The following H1-8 variants were observed in gnomAD, a reference collection of about 807,000 sequenced individuals.
The protein encoded by H1-8 is H1.8 linker histone, also known as histone H1.8.
Under a neutral mutation model 19.5 loss-of-function variants are expected in H1-8, and 13 were observed. The observed-to-expected ratio is 0.67, with a 90% CI of 0.43 to 1.06. The LOEUF (loss-of-function observed/expected upper bound fraction) is 1.06, where lower values mean the gene tolerates loss of function less well. Among genes scored for constraint, H1-8 ranks in the 50% least tolerant of loss-of-function variants. The probability of loss-of-function intolerance (pLI) is 0.00; values close to 1 mark genes in which losing one functional copy is unlikely to be tolerated. For synonymous variants in H1-8, 193 were observed against 187.6 expected (o/e 1.03, Z -0.24); for missense variants, 432 against 459.8 (o/e 0.94, Z 0.55).
In H1-8 at chr3:129,547,515, C is replaced by T; in HGVS notation, c.213C>T (p.Gly71=). The T allele has an allele frequency of 6.4e-7, 1 of 1,573,532 alleles. No individual in the cohort carries two copies. Among genetic ancestry groups the T allele is most frequent in the Non-Finnish European group, 8.6e-7 (1 of 1,159,574 alleles). The change falls in exon 2 of 5, where the codon GGC becomes GGT. Residue 71 remains glycine, a synonymous_variant. Transcript: ENST00000324382. ...EALQAGEQRR[G]TSVAAIKLYI... is the part of the protein sequence containing the mutation. ...TGCAGGCTGGGGAGCAGCGCCGGGG[C>T]ACGTCGGTGGCAGCTATCAAGCTCT...
chr3:129,544,471 A>G (rs754501940), intron 1 of H1-8, among the ~76,000 whole-genome samples: 4 of 150,466 alleles, frequency 2.7e-5, no homozygotes, highest in Non-Finnish European at 5.9e-5. Context: ...TGTGGTGAGG[A>G]GGAAAGGGCC....
rs77817513 is a variant in H1-8, at chr3:129,551,368, G to A, written c.*28G>A. 450 of 1,441,194 alleles carry A rather than the reference G, an allele frequency of 3.1e-4. 3 individuals carry two copies. The East Asian group carries it at 8.3e-3, about 27-fold the overall frequency. The allele number at this position is 1,441,194 out of a possible 1,614,324, so 89.3% of individuals were successfully genotyped here. ...CCAGAGGCAGGGGCGGAGAGAGACC[G>A]AGCCTCTGCCCTAGTTTTTATTCTT... On this transcript the variant is annotated 3_prime_UTR_variant, in exon 5 of 5. Transcript: ENST00000324382.
intron 1 of H1-8, among the ~76,000 whole-genome samples, chr3:129,546,743 TC>T (rs1442509471): frequency 6.6e-6 from 1 of 152,098 alleles, no homozygotes; most frequent in African/African-American, 2.4e-5. Context: ...ACTTTTTCTT[TC>T]CCCCCTTATT....
Position 129,546,150 on chromosome 3 carries a change from AATAATAATG to A in H1-8, c.89-1232_89-1224del, listed in dbSNP as rs1490880654. Among the ~76,000 whole-genome samples, 458 of 147,934 alleles carry A rather than the reference AATAATAATG, an allele frequency of 3.1e-3. 2 individuals carry two copies. The highest frequency in any genetic ancestry group is 0.015 in the East Asian group (74 of 5,052). On this transcript the variant is annotated intron_variant, in intron 1 of 4. Transcript: ENST00000324382. ...TAATAATAATAATAATAATAATAAT[AATAATAATG>A]ATAATAATACAAACATTAGCCAGGC...
chr3:129,549,004 G>C lies in H1-8; in HGVS notation c.382G>C (p.Val128Leu), dbSNP rs1397414218. ...CCCACCCCGTGTCCTTCTCCAGTTAGTTCCCAAGCACAAGAAGAAAATCCA... is the reference window on the plus strand; with the variant it reads ...CCCACCCCGTGTCCTTCTCCAGTTACTTCCCAAGCACAAGAAGAAAATCCA... ...ARGATGSFKL[V>L]PKHKKKIQPR... Residue 128 changes from valine (V) to leucine (L), a missense_variant, in exon 3 of 5, where the codon GTT becomes CTT. Val to Leu is a conservative substitution (Grantham distance 32, BLOSUM62 1). Transcript: ENST00000324382. 1 of 1,605,650 alleles carries C rather than the reference G, an allele frequency of 6.2e-7. No individual in the cohort carries two copies. The highest frequency in any genetic ancestry group is 1.1e-5 in the South Asian group (1 of 90,034).
intron 1 of H1-8, among the ~76,000 whole-genome samples, chr3:129,544,673 C>G (rs1485802265): frequency 1.3e-5 from 2 of 151,858 alleles, no homozygotes; most frequent in Non-Finnish European, 2.9e-5. Flanking sequence ...AGGGAGGACT[C>G]CTGGGGGTGG....
At chr3:129,548,905 T>A in intron 2 of H1-8, 96 bp from the exon 3 acceptor site, 3 of 1,472,580 alleles carry the variant, frequency 2.0e-6, no homozygotes, top group Non-Finnish European at 2.7e-6. Context: ...AGCCCCCCTG[T>A]TTGGAACGAG....
chr3:129,550,989 C>T lies in H1-8; in HGVS notation c.808-118C>T, dbSNP rs2084928281. The T allele has an allele frequency of 3.9e-6, 4 of 1,021,338 alleles. No homozygotes were observed. In the East Asian group the frequency reaches 1.0e-4, roughly 26 times the overall value. The allele number at this position is 1,021,338 out of a possible 1,614,324, so 63.3% of individuals were successfully genotyped here. On this transcript the variant is annotated intron_variant, in intron 4 of 4. Coordinates refer to ENST00000324382, the MANE Select transcript of H1-8 (RefSeq NM_153833.3). ...GGCACCCTGGGGGTGTTGCCATCCCCATCTTACAGATAAGAGACTAAGGCT... is the reference window on the plus strand; with the variant it reads ...GGCACCCTGGGGGTGTTGCCATCCCTATCTTACAGATAAGAGACTAAGGCT...
chr3:129,547,620 C>G lies in H1-8; in HGVS notation c.318C>G (p.Arg106=). 1 of 1,550,410 alleles carries G rather than the reference C, an allele frequency of 6.4e-7. No individual in the cohort carries two copies. ...AGCAGGCGCTGGCCACTGGCATGCG[C>G]CGTGGCCTCCTCGCCAGGCCCCTCA... ...LLKQALATGM[R]RGLLARPLNS... is the part of the protein sequence containing the mutation. Residue 106 remains arginine, a synonymous_variant, in exon 2 of 5, where the codon CGC becomes CGG. Coordinates refer to ENST00000324382, the MANE Select transcript of H1-8 (RefSeq NM_153833.3).
intron 3 of H1-8, 109 bp downstream of exon 3, chr3:129,549,473 G>A (rs2084917943): frequency 1.6e-6 from 2 of 1,289,358 alleles, no homozygotes; most frequent in South Asian, 1.5e-5. Flanking sequence ...TAGTGCATGT[G>A]TCCTGAGTGC....
chr3:129,543,551 G>T (rs1311851937), intron 1 of H1-8, among the ~76,000 whole-genome samples: 1 of 152,194 alleles, frequency 6.6e-6, no homozygotes, highest in Non-Finnish European at 1.5e-5. Flanking sequence ...GGCTGGGGCC[G>T]GCCTCGCTCA....
At position 129,546,485 on chromosome 3, in the gene H1-8, G is replaced by A. The variant is rs189946476; in HGVS notation, c.89-906G>A. 5.9e-3 allele frequency among the ~76,000 whole-genome samples: 902 copies of A among 152,262 alleles called. 7 individuals are homozygous for A. Among genetic ancestry groups the A allele is most frequent in the South Asian group, 0.026 (124 of 4,820 alleles). On this transcript the variant is annotated intron_variant, in intron 1 of 4. Coordinates refer to ENST00000324382, the MANE Select transcript of H1-8 (RefSeq NM_153833.3). Reference sequence around the variant, plus strand: ...ATTTCAAAGCAAATGCTGGATTTATGTATCATTTCATCTGTAAATATCTTT... The same window carrying A: ...ATTTCAAAGCAAATGCTGGATTTATATATCATTTCATCTGTAAATATCTTT...
intron 3 of H1-8, among the ~76,000 whole-genome samples, chr3:129,549,972 A>C (rs758216086): frequency 4.6e-5 from 7 of 152,050 alleles, no homozygotes; most frequent in Non-Finnish European, 1.0e-4. Flanking sequence ...ACACAAAAAG[A>C]AGGTGGAGTA....
intron 3 of H1-8, among the ~76,000 whole-genome samples, chr3:129,549,691 T>C (rs970703660): frequency 1.3e-5 from 2 of 151,908 alleles, no homozygotes; most frequent in Non-Finnish European, 2.9e-5. Context: ...TGGTGGCTCA[T>C]GCCTGTAAGC....
Position 129,547,598 on chromosome 3 carries a change from A to G in H1-8, c.296A>G (p.Gln99Arg). 1 of 1,555,772 alleles carries G rather than the reference A, an allele frequency of 6.4e-7. No homozygotes were observed. Among genetic ancestry groups the G allele is most frequent in the Non-Finnish European group, 8.7e-7 (1 of 1,150,158 alleles). Residue 99 changes from glutamine to arginine, a missense_variant, in exon 2 of 5, where the codon CAG (glutamine) becomes CGG (arginine). Gln to Arg is a conservative substitution (Grantham distance 43, BLOSUM62 1). Transcript: ENST00000324382. The part of the protein sequence containing the change: ...DVLRFKYLLK[Q>R]ALATGMRRGL... ...CTCCGCTTCAAGTACCTGCTGAAGC[A>G]GGCGCTGGCCACTGGCATGCGCCGT...
At chr3:129,547,782 C>T in intron 2 of H1-8, 102 bp downstream of exon 2, 2 of 1,113,426 alleles carry the variant, frequency 1.8e-6, no homozygotes, top group Non-Finnish European at 2.5e-6. Context: ...CTCCGGTCCC[C>T]TGTCCTTGTT....
chr3:129,546,970 C>A (rs538623054), intron 1 of H1-8, among the ~76,000 whole-genome samples: 1 of 152,126 alleles, frequency 6.6e-6, no homozygotes, highest in Non-Finnish European at 1.5e-5. Context: ...GAGGCCGAGG[C>A]GGGTGGGTCA....
Position 129,549,375 on chromosome 3 carries a change from G to T in H1-8, c.742+11G>T. On this transcript the variant is annotated intron_variant, in intron 3 of 4. Transcript: ENST00000324382. Reference sequence around the variant, plus strand: ...GCAGGAGCAGCCAAGGTAGTTGTGTGACTTGTAGGGGGTGGTGTGGGGATG... The same window carrying T: ...GCAGGAGCAGCCAAGGTAGTTGTGTTACTTGTAGGGGGTGGTGTGGGGATG... 1.3e-6 allele frequency: 2 copies of T among 1,562,346 alleles called. No individual in the cohort carries two copies. The highest frequency in any genetic ancestry group is 2.4e-5 in the South Asian group (2 of 83,930).
In H1-8 at chr3:129,550,726, C is replaced by G. The variant is rs1187031311; in HGVS notation, c.743-19C>G. 1 of 1,612,160 alleles carries G rather than the reference C, an allele frequency of 6.2e-7. No individual in the cohort carries two copies. The highest frequency in any genetic ancestry group is 1.1e-5 in the South Asian group (1 of 91,028). On this transcript the variant is annotated intron_variant, in intron 3 of 4. Transcript: ENST00000324382. ...GTTCCTCCTTCTTCCCCTATAAAAC[C>G]TCCTCCATCAAATTCCAGGAGATGC...
Sources: allele counts gnomAD v4.1 joint callset (sites outside exome capture counted in the v4.1 genomes callset), GRCh38; gene constraint gnomAD v4.1.1; transcripts MANE v1.5; gene names NCBI Gene and HGNC (gene_info 2026-07-23, HGNC 2026-07-21).